ATP8A2: variants seen among roughly 807,000 people sequenced by gnomAD.
ATP8A2 encodes the protein phospholipid-transporting ATPase IB.
ATP8A2 carries 100 observed loss-of-function variants against 165.6 expected under a neutral mutation model. The observed-to-expected ratio is 0.60, with a 90% CI of 0.51 to 0.71. ATP8A2 has a LOEUF of 0.71. ATP8A2 is among the 30% of genes least tolerant of loss of function. ATP8A2 has a pLI of 0.00. For missense variants in ATP8A2, 1,227 were observed against 1,479.5 expected (o/e 0.83, Z 2.80); for synonymous variants, 543 against 548.8 (o/e 0.99, Z 0.15).
At position 25,959,667 on chromosome 13, in the gene ATP8A2, G is replaced by A. The variant is rs183310631; in HGVS notation, c.3184-1908G>A. Among the ~76,000 whole-genome samples, 162 of 152,290 alleles carry A rather than the reference G, an allele frequency of 1.1e-3. 3 individuals carry two copies. Among genetic ancestry groups the A allele is most frequent in the African/African-American group, 3.8e-3 (158 of 41,562 alleles). On this transcript the variant is annotated intron_variant, in intron 33 of 36. Coordinates refer to ENST00000381655, the MANE Select transcript of ATP8A2 (RefSeq NM_016529.6). ...GTTATCACAGAACCCATGTTTCTCA[G>A]TGGCAGTAGAATACGACATCTCTGT... is the stretch of plus-strand genomic sequence containing the variant.
intron 33 of ATP8A2, among the ~76,000 whole-genome samples, chr13:25,879,048 G>T (rs1952898672): frequency 6.6e-6 from 1 of 152,198 alleles, no homozygotes; most frequent in South Asian, 2.1e-4. Context: ...CACATACTTG[G>T]TCTATGGGGC....
intron 2 of ATP8A2, among the ~76,000 whole-genome samples, chr13:25,473,115 C>G (rs1188505705): frequency 1.3e-5 from 2 of 152,260 alleles, no homozygotes; most frequent in East Asian, 3.9e-4. Flanking sequence ...GGCCTCAGCA[C>G]CCCCAGGGGT....
intron 1 of ATP8A2, among the ~76,000 whole-genome samples, chr13:25,462,827 A>C (rs2035539674): frequency 6.6e-6 from 1 of 152,202 alleles, no homozygotes; most frequent in Admixed American, 6.5e-5. Flanking sequence ...CCCACCATGA[A>C]TAGCAAAGAT....
At chr13:25,832,793 A>T (rs1951512036) in intron 28 of ATP8A2, among the ~76,000 whole-genome samples, 1 of 152,226 alleles carries the variant, frequency 6.6e-6, no homozygotes, top group African/African-American at 2.4e-5. Flanking sequence ...ATTAATCAAG[A>T]TGCCTGCCAT....
chr13:25,442,947 T>A (rs1303910321), intron 1 of ATP8A2, among the ~76,000 whole-genome samples: 1 of 152,212 alleles, frequency 6.6e-6, no homozygotes, highest in Non-Finnish European at 1.5e-5. Flanking sequence ...TAGATACTAA[T>A]CCTTTATCAG....
chr13:25,723,320 T>C (rs1293568490), intron 25 of ATP8A2, among the ~76,000 whole-genome samples: 1 of 152,224 alleles, frequency 6.6e-6, no homozygotes, highest in African/African-American at 2.4e-5. Context: ...ACTTGTATTT[T>C]CAATTTATTT....
chr13:25,839,409 A>G (rs1951701649), intron 29 of ATP8A2, 137 bp from the exon 30 acceptor site: 1 of 623,960 alleles, frequency 1.6e-6, no homozygotes, highest in Non-Finnish European at 2.9e-6. Context: ...TTTTTTTTCA[A>G]ATTCAAGAAT....
At chr13:25,661,285 C>A (rs919242372) in intron 24 of ATP8A2, among the ~76,000 whole-genome samples, 3 of 152,140 alleles carry the variant, frequency 2.0e-5, no homozygotes, top group Admixed American at 2.0e-4. Flanking sequence ...GCCGAGGCTA[C>A]CCCTACCAAG....
chr13:25,813,770 G>A (rs914984058), intron 27 of ATP8A2, among the ~76,000 whole-genome samples: 4 of 152,150 alleles, frequency 2.6e-5, no homozygotes, highest in Admixed American at 2.0e-4. Flanking sequence ...GTGTTTCTGT[G>A]AGGATGCTTT....
chr13:25,974,820 A>G (rs1955994221), intron 35 of ATP8A2, among the ~76,000 whole-genome samples: 1 of 152,080 alleles, frequency 6.6e-6, no homozygotes, highest in Non-Finnish European at 1.5e-5. Context: ...TCTTCCCAGC[A>G]TCTGCACAGT....
chr13:25,817,356 G>C (rs1047548521), intron 27 of ATP8A2, among the ~76,000 whole-genome samples: 16 of 125,230 alleles, frequency 1.3e-4, no homozygotes, highest in South Asian at 9.2e-4. Flanking sequence ...TTTATGGGGG[G>C]GGGGGGAAAC....
intron 2 of ATP8A2, among the ~76,000 whole-genome samples, chr13:25,476,263 T>C (rs2035991561): frequency 6.6e-6 from 1 of 152,078 alleles, no homozygotes. Flanking sequence ...AAAGAAGCAA[T>C]ACCAGCATCC....
At chr13:25,684,506 G>T (rs543564895) in intron 24 of ATP8A2, among the ~76,000 whole-genome samples, 11 of 152,184 alleles carry the variant, frequency 7.2e-5, no homozygotes, top group Non-Finnish European at 1.3e-4. Context: ...CCACTGTTGT[G>T]AATGAAAATA....
rs542908476 is a variant in ATP8A2, at chr13:25,719,799, T to C, written c.2384+20454T>C. Among the ~76,000 whole-genome samples the C allele has an allele frequency of 1.1e-3, 172 of 152,276 alleles. 3 individuals are homozygous for C. Among genetic ancestry groups the C allele is most frequent in the African/African-American group, 3.9e-3 (162 of 41,564 alleles). Reference sequence around the variant, plus strand: ...GTAGAGGGATGGTGTGGTCCAGACATCAGCTTGCTGGCCTGACTGGCAGGC... The same window carrying C: ...GTAGAGGGATGGTGTGGTCCAGACACCAGCTTGCTGGCCTGACTGGCAGGC... On this transcript the variant is annotated intron_variant, in intron 25 of 36. Coordinates refer to ENST00000381655, the MANE Select transcript of ATP8A2 (RefSeq NM_016529.6).
chr13:25,592,525 CA>C (rs1179670585), intron 24 of ATP8A2, among the ~76,000 whole-genome samples: 2 of 152,186 alleles, frequency 1.3e-5, no homozygotes, highest in African/African-American at 4.8e-5. Context: ...CATCGGTGGA[CA>C]GGAGAGCAGA....
At chr13:25,564,669 T>C (rs2039259202) in intron 16 of ATP8A2, among the ~76,000 whole-genome samples, 1 of 152,208 alleles carries the variant, frequency 6.6e-6, no homozygotes, top group South Asian at 2.1e-4. Flanking sequence ...ATCAATTCAC[T>C]GTTATTTTAT....
intron 24 of ATP8A2, among the ~76,000 whole-genome samples, chr13:25,651,727 TG>T (rs1214268974): frequency 2.0e-5 from 3 of 152,180 alleles, no homozygotes; most frequent in African/African-American, 7.2e-5. Flanking sequence ...GAATTATACC[TG>T]TTAATTTTGC....
intron 24 of ATP8A2, among the ~76,000 whole-genome samples, chr13:25,622,235 AG>A (rs1193466207): frequency 6.6e-6 from 1 of 151,950 alleles, no homozygotes; most frequent in Admixed American, 6.6e-5. Flanking sequence ...TAAGCCTTCA[AG>A]AAATGTATAT....
intron 24 of ATP8A2, among the ~76,000 whole-genome samples, chr13:25,665,141 T>G (rs954604781): frequency 3.9e-5 from 6 of 152,142 alleles, no homozygotes; most frequent in Non-Finnish European, 5.9e-5. Context: ...CCGTGCACAG[T>G]GTGGTGCAGC....
Sources: gnomAD v4.1 joint callset for allele counts (sites outside exome capture counted in the v4.1 genomes callset) on GRCh38, gnomAD v4.1.1 for gene constraint, MANE v1.5 for transcripts, NCBI Gene and HGNC (gene_info 2026-07-23, HGNC 2026-07-21) for gene names.